The following TAFA1 variants were observed in gnomAD, a reference collection of about 807,000 sequenced individuals.
The protein encoded by TAFA1 is chemokine-like protein TAFA-1.
Under a neutral mutation model 18.5 loss-of-function variants are expected in TAFA1, and 4 were observed. The ratio of observed to expected loss-of-function variants is 0.22; its 90% CI spans 0.11 to 0.49. TAFA1 has a LOEUF of 0.49. Among genes scored for constraint, TAFA1 ranks in the 20% least tolerant of loss-of-function variants. The probability of loss-of-function intolerance (pLI) is 0.98; values close to 1 mark genes in which losing one functional copy is unlikely to be tolerated. For synonymous variants in TAFA1, 56 were observed against 55.2 expected (o/e 1.01, Z -0.06); for missense variants, 147 against 169.0 (o/e 0.87, Z 0.72).
intron 2 of TAFA1, among the ~76,000 whole-genome samples, chr3:68,315,103 C>T (rs939867824): frequency 2.0e-5 from 3 of 152,058 alleles, no homozygotes; most frequent in Non-Finnish European, 4.4e-5. Flanking sequence ...GAGGCCCCAA[C>T]CATTTTTCTA....
chr3:68,125,474 G>T (rs1036615159), intron 2 of TAFA1, among the ~76,000 whole-genome samples: 8 of 152,184 alleles, frequency 5.3e-5, no homozygotes. Context: ...TGTTTATTTG[G>T]TTTGTGGCTA....
chr3:68,242,190 T>G (rs1040972622), intron 2 of TAFA1, among the ~76,000 whole-genome samples: 2 of 152,106 alleles, frequency 1.3e-5, no homozygotes, highest in Non-Finnish European at 2.9e-5. Context: ...AAAGGTTTAG[T>G]CCCTTCTCCT....
intron 4 of TAFA1, among the ~76,000 whole-genome samples, chr3:68,544,152 A>C (rs973686992): frequency 6.6e-5 from 10 of 152,184 alleles, no homozygotes; most frequent in African/African-American, 2.2e-4. Flanking sequence ...CATTAAACCA[A>C]GCAGGAGGCT....
intron 2 of TAFA1, among the ~76,000 whole-genome samples, chr3:68,217,118 C>T (rs1308958095): frequency 6.6e-6 from 1 of 152,028 alleles, no homozygotes; most frequent in Non-Finnish European, 1.5e-5. Flanking sequence ...ATAGAGAAAC[C>T]TGGCAAAGAT....
chr3:68,370,500 A>G (rs1434653179), intron 2 of TAFA1, among the ~76,000 whole-genome samples: 10 of 98,270 alleles, frequency 1.0e-4, no homozygotes, highest in East Asian at 6.1e-4. Flanking sequence ...ATATATATAT[A>G]TATATATATA....
At chr3:68,439,402 TATATACATAC>T (rs1482772017) in intron 3 of TAFA1, among the ~76,000 whole-genome samples, 4 of 100,322 alleles carry the variant, frequency 4.0e-5, no homozygotes, top group African/African-American at 1.2e-4. Flanking sequence ...TAATAGAATA[TATATACATAC>T]ATATATATAT....
chr3:68,470,578 T>A (rs1179559637), intron 3 of TAFA1, among the ~76,000 whole-genome samples: 1 of 152,228 alleles, frequency 6.6e-6, no homozygotes, highest in African/African-American at 2.4e-5. Context: ...AAGGTGGCTC[T>A]TGCTATGTTT....
At chr3:68,349,339 A>G (rs1005686129) in intron 2 of TAFA1, among the ~76,000 whole-genome samples, 8 of 152,060 alleles carry the variant, frequency 5.3e-5, no homozygotes, top group East Asian at 1.9e-4. Context: ...ATCACAGCAC[A>G]TAAGTCCCCA....
intron 2 of TAFA1, among the ~76,000 whole-genome samples, chr3:68,206,272 T>C (rs1056238589): frequency 2.0e-5 from 3 of 151,836 alleles, no homozygotes; most frequent in Non-Finnish European, 4.4e-5. Context: ...AATCTGATAC[T>C]TTGTCAGAAA....
chr3:68,410,871 T>G (rs2070702982), intron 2 of TAFA1, among the ~76,000 whole-genome samples: 1 of 152,192 alleles, frequency 6.6e-6, no homozygotes, highest in Non-Finnish European at 1.5e-5. Context: ...GTCCGAAAGA[T>G]ATTTGCATGA....
At chr3:68,472,503 TAC>T (rs144677943) in intron 3 of TAFA1, among the ~76,000 whole-genome samples, 28,780 of 140,770 alleles carry the variant, frequency 0.2, 3,218 homozygotes, top group East Asian at 0.46. Context: ...TAGAACTAAA[TAC>T]ACACACACAC....
intron 3 of TAFA1, among the ~76,000 whole-genome samples, chr3:68,427,055 T>TGA (rs1021319142): frequency 2.0e-5 from 3 of 151,700 alleles, no homozygotes; most frequent in African/African-American, 4.8e-5. Flanking sequence ...GTCATGTGTG[T>TGA]GAGAGAGAGA....
chr3:68,120,257 C>CTT (rs1283213496), intron 2 of TAFA1, among the ~76,000 whole-genome samples: 29 of 68,698 alleles, frequency 4.2e-4, no homozygotes, highest in African/African-American at 1.6e-3. Context: ...TTCTTTCTTT[C>CTT]TTTCTTTTTT....
intron 2 of TAFA1, among the ~76,000 whole-genome samples, chr3:68,226,280 T>C (rs1469536944): frequency 6.6e-6 from 1 of 152,232 alleles, no homozygotes; most frequent in African/African-American, 2.4e-5. Context: ...CCAAAGTGTC[T>C]GATATGCTTT....
chr3:68,287,919 G>GGGT, intron 2 of TAFA1, among the ~76,000 whole-genome samples: 1 of 119,754 alleles, frequency 8.4e-6, no homozygotes, highest in Non-Finnish European at 1.8e-5. Context: ...GGGGGTGGGG[G>GGGT]GGCTTTTTGA....
intron 2 of TAFA1, among the ~76,000 whole-genome samples, chr3:68,106,822 A>G (rs2065209802): frequency 2.0e-5 from 3 of 152,146 alleles, no homozygotes; most frequent in Admixed American, 2.0e-4. Flanking sequence ...CACCCAAGAA[A>G]AAGTGTTCAA....
rs541808466 is a variant in TAFA1, at chr3:68,131,281, C to A, written c.118+124537C>A. Reference sequence around the variant, plus strand: ...CCCATGATCTGGGTAACGTGTAATACCCTCTTGCCATAATCATCTCTGAAC... The same window carrying A: ...CCCATGATCTGGGTAACGTGTAATAACCTCTTGCCATAATCATCTCTGAAC... On this transcript the variant is annotated intron_variant, in intron 2 of 4. Coordinates refer to ENST00000478136, the MANE Select transcript of TAFA1 (RefSeq NM_213609.4). Among the ~76,000 whole-genome samples the A allele has an allele frequency of 4.6e-5, 7 of 152,040 alleles. No homozygotes were observed. The East Asian group carries it at 1.4e-3, about 29-fold the overall frequency.
At chr3:68,173,815 T>C (rs956954781) in intron 2 of TAFA1, among the ~76,000 whole-genome samples, 10 of 152,154 alleles carry the variant, frequency 6.6e-5, no homozygotes, top group Non-Finnish European at 1.3e-4. Context: ...AAAGTCATTG[T>C]TTTTTTCAGA....
chr3:68,248,147 A>C (rs1260543219), intron 2 of TAFA1, among the ~76,000 whole-genome samples: 1 of 152,100 alleles, frequency 6.6e-6, no homozygotes. Flanking sequence ...CTGACTTTCA[A>C]TACATGCTCA....
Sources: gnomAD v4.1 joint callset for allele counts (sites outside exome capture counted in the v4.1 genomes callset) on GRCh38, gnomAD v4.1.1 for gene constraint, MANE v1.5 for transcripts, NCBI Gene and HGNC (gene_info 2026-07-23, HGNC 2026-07-21) for gene names.